HCRTR2: variants seen among roughly 807,000 people sequenced by gnomAD.
The protein encoded by HCRTR2 is orexin receptor type 2.
In HCRTR2, 22 loss-of-function variants were observed where a neutral mutation model predicts 49.0. The observed-to-expected ratio is 0.45, with a 90% CI of 0.32 to 0.64. The LOEUF (loss-of-function observed/expected upper bound fraction) is 0.64, where lower values mean the gene tolerates loss of function less well. HCRTR2 is among the 30% of genes least tolerant of loss of function. The pLI, the probability that HCRTR2 is intolerant of heterozygous loss-of-function variation, is 0.04. For missense variants in HCRTR2, 491 were observed against 559.4 expected, an observed-to-expected ratio of 0.88 and a Z score of 1.23; for synonymous variants, 236 against 205.3, an observed-to-expected ratio of 1.15 and a Z score of -1.28.
chr6:55,204,879 G>T (rs1216297784), intron 1 of HCRTR2, among the ~76,000 whole-genome samples: 1 of 151,666 alleles, frequency 6.6e-6, no homozygotes, highest in Admixed American at 6.6e-5. Flanking sequence ...TCGACCTCCT[G>T]GGCTGAAGTA....
chr6:55,283,336 A>G (rs985902947), downstream of HCRTR2, among the ~76,000 whole-genome samples: 1 of 152,184 alleles, frequency 6.6e-6, no homozygotes. Context: ...AAGGCAGCAA[A>G]CAATCTGGGG....
chr6:55,240,766 AT>A, intron 1 of HCRTR2: 3 of 424,792 alleles, frequency 7.1e-6, no homozygotes, highest in Non-Finnish European at 1.4e-5. Context: ...TACTGTAATG[AT>A]TTTGGATGAC....
rs1766684770 is a variant in HCRTR2 at position 55,257,979 on chromosome 6, T to G, written c.646+2600T>G. Among the ~76,000 whole-genome samples the G allele has an allele frequency of 4.6e-5, 7 of 152,216 alleles. No homozygotes were observed. The South Asian group carries it at 1.4e-3, about 32-fold the overall frequency. On this transcript the variant is annotated intron_variant, in intron 3 of 6. Transcript: ENST00000370862. ...AATAATTCAAGGCAGATTTTTATCT[T>G]TCTTATTAGATATTTATTATGATGA...
intron 1 of HCRTR2, among the ~76,000 whole-genome samples, chr6:55,140,295 T>C (rs896517141): frequency 4.6e-5 from 7 of 151,424 alleles, no homozygotes; most frequent in Non-Finnish European, 8.9e-5. Context: ...AGGCCTAGAA[T>C]TGACTTGACT....
At chr6:55,160,813 A>T (rs1227511996) in intron 1 of HCRTR2, among the ~76,000 whole-genome samples, 1 of 152,184 alleles carries the variant, frequency 6.6e-6, no homozygotes, top group African/African-American at 2.4e-5. Context: ...CACCCAATTC[A>T]GGAGCACACA....
chr6:55,221,202 T>G (rs1171549886), intron 1 of HCRTR2, among the ~76,000 whole-genome samples: 1 of 152,154 alleles, frequency 6.6e-6, no homozygotes, highest in Non-Finnish European at 1.5e-5. Flanking sequence ...AAAAAAAATC[T>G]GAGAACCATG....
chr6:55,204,962 GT>G (rs553153213), intron 1 of HCRTR2, among the ~76,000 whole-genome samples: 1 of 151,812 alleles, frequency 6.6e-6, no homozygotes, highest in African/African-American at 2.4e-5. Context: ...ATTTTTTTTA[GT>G]TTTTTTTATT....
intron 1 of HCRTR2, among the ~76,000 whole-genome samples, chr6:55,198,477 C>T (rs1408657714): frequency 6.6e-6 from 1 of 152,150 alleles, no homozygotes; most frequent in Non-Finnish European, 1.5e-5. Context: ...CACCTAAACT[C>T]AACCCTAACT....
chr6:55,172,669 A>C (rs1581806667), upstream of HCRTR2, among the ~76,000 whole-genome samples: 1 of 152,274 alleles, frequency 6.6e-6, no homozygotes, highest in East Asian at 1.9e-4. Context: ...TGATTAATCC[A>C]TTTATCTTTC....
In HCRTR2 at chr6:55,255,189, G is replaced by T; in HGVS notation, c.456G>T (p.Arg152=). Reference sequence around the variant, plus strand: ...CACTGAGCTGTATCGCCTTGGATCGGTGGTATGCAATCTGTCACCCTTTGA... The same window carrying T: ...CACTGAGCTGTATCGCCTTGGATCGTTGGTATGCAATCTGTCACCCTTTGA... ...VLTLSCIALD[R]WYAICHPLMF... Residue 152 remains arginine, a synonymous_variant, in exon 3 of 7, where the codon CGG becomes CGT. Transcript: ENST00000370862. 1 of 1,613,966 alleles carries T rather than the reference G, an allele frequency of 6.2e-7. No homozygotes were observed. Among genetic ancestry groups the T allele is most frequent in the Non-Finnish European group, 8.5e-7 (1 of 1,179,938 alleles).
chr6:55,144,442 A>T (rs1282714720), intron 1 of HCRTR2, among the ~76,000 whole-genome samples: 1 of 151,300 alleles, frequency 6.6e-6, no homozygotes, highest in African/African-American at 2.4e-5. Flanking sequence ...TCTTCTGCAG[A>T]CTCATCTTCT....
chr6:55,153,192 C>T (rs766251132), intron 1 of HCRTR2, among the ~76,000 whole-genome samples: 3 of 151,942 alleles, frequency 2.0e-5, no homozygotes, highest in Non-Finnish European at 2.9e-5. Context: ...TGTCTAGGCT[C>T]TCTGTTCTGT....
At chr6:55,179,244 A>G (rs1765091228) in intron 1 of HCRTR2, among the ~76,000 whole-genome samples, 1 of 152,188 alleles carries the variant, frequency 6.6e-6, no homozygotes, top group Admixed American at 6.5e-5. Flanking sequence ...CCTTACCTAC[A>G]CAGGAAGCAA....
intron 1 of HCRTR2, among the ~76,000 whole-genome samples, chr6:55,145,118 AAATGTG>A (rs1764561047): frequency 4.6e-5 from 7 of 151,148 alleles, no homozygotes; most frequent in Admixed American, 4.6e-4. Flanking sequence ...AATTCTGTTT[AAATGTG>A]CTCCCTCCTT....
At chr6:55,199,654 C>A (rs1166527606) in intron 1 of HCRTR2, among the ~76,000 whole-genome samples, 1 of 152,038 alleles carries the variant, frequency 6.6e-6, no homozygotes, top group Non-Finnish European at 1.5e-5. Flanking sequence ...TGTTCAACAT[C>A]TCTTATGCGT....
At chr6:55,128,417 T>C (rs1435474691) in intron 1 of HCRTR2, among the ~76,000 whole-genome samples, 2 of 152,194 alleles carry the variant, frequency 1.3e-5, no homozygotes, top group Admixed American at 1.3e-4. Context: ...TCTTTTTTGG[T>C]TCCATTTGAA....
intron 1 of HCRTR2, among the ~76,000 whole-genome samples, chr6:55,213,806 G>A (rs1290029542): frequency 1.3e-5 from 2 of 152,076 alleles, no homozygotes; most frequent in South Asian, 2.1e-4. Context: ...CAATGTTGGG[G>A]GCTGCAGAAA....
chr6:55,206,873 A>G (rs1026834672), intron 1 of HCRTR2, among the ~76,000 whole-genome samples: 22 of 152,048 alleles, frequency 1.4e-4, no homozygotes, highest in Non-Finnish European at 2.8e-4. Context: ...AGTATTTTTG[A>G]CTTAGTGTAA....
intron 1 of HCRTR2, among the ~76,000 whole-genome samples, chr6:55,243,042 C>G (rs1254921105): frequency 6.6e-6 from 1 of 151,120 alleles, no homozygotes; most frequent in Non-Finnish European, 1.5e-5. Context: ...CCATGTCTTA[C>G]GGAGAATGTG....
Sources: allele counts gnomAD v4.1 joint callset (sites outside exome capture counted in the v4.1 genomes callset), GRCh38; gene constraint gnomAD v4.1.1; transcripts MANE v1.5; gene names NCBI Gene and HGNC (gene_info 2026-07-23, HGNC 2026-07-21).